Variants in DNAH11 observed in about 807,000 individuals in gnomAD.
DNAH11 encodes axonemal beta dynein heavy chain 11.
In DNAH11, 442 loss-of-function variants were observed where a neutral mutation model predicts 526.0. That is an observed-to-expected ratio of 0.84 (90% CI 0.78 to 0.91). The LOEUF is 0.91. Ranked by LOEUF, DNAH11 falls within the 40% of genes least tolerant of loss-of-function variation. The probability of loss-of-function intolerance (pLI) is 0.00; values close to 1 mark genes in which losing one functional copy is unlikely to be tolerated. For missense variants in DNAH11, 6,989 were observed against 5,448.7 expected, an observed-to-expected ratio of 1.28 and a Z score of -8.90; for synonymous variants, 2,461 against 1,935.9, an observed-to-expected ratio of 1.27 and a Z score of -7.12.
At position 21,579,089 on chromosome 7, in the gene DNAH11, T is replaced by A. The variant is rs150557276; in HGVS notation, c.1594-2816T>A. 2.2e-3 allele frequency among the ~76,000 whole-genome samples: 341 copies of A among 152,340 alleles called. 2 individuals carry two copies. Among genetic ancestry groups the A allele is most frequent in the African/African-American group, 7.9e-3 (327 of 41,578 alleles). ...CCAAACTGCTCCCTCTTCCCCATCT[T>A]GGCTTTCTTAGTTTGTTCTCCACAC... On this transcript the variant is annotated intron_variant, in intron 8 of 81. Coordinates refer to ENST00000409508, the MANE Select transcript of DNAH11 (RefSeq NM_001277115.2).
At position 21,656,649 on chromosome 7, in the gene DNAH11, G is replaced by A. The variant is rs74736202; in HGVS notation, c.5094+668G>A. On this transcript the variant is annotated intron_variant, in intron 29 of 81. Coordinates refer to ENST00000409508, the MANE Select transcript of DNAH11 (RefSeq NM_001277115.2). ...TGCATCTTTTTATGATGGAGCTTGC[G>A]TAGCTTGGGTTAATCCACAGAGTAA... Among the ~76,000 whole-genome samples the A allele has an allele frequency of 6.9e-3, 1,056 of 152,256 alleles. 43 individuals are homozygous for A. The East Asian group carries it at 0.14, about 20-fold the overall frequency.
At chr7:21,804,147 T>C (rs1054005589) in intron 62 of DNAH11, among the ~76,000 whole-genome samples, 4 of 152,040 alleles carry the variant, frequency 2.6e-5, no homozygotes, top group South Asian at 2.1e-4. Flanking sequence ...CTTGCTCTGT[T>C]GCCCAGGCTG....
intron 70 of DNAH11, among the ~76,000 whole-genome samples, chr7:21,866,192 G>A (rs557144185): frequency 1.3e-5 from 2 of 152,120 alleles, no homozygotes; most frequent in East Asian, 3.9e-4. Context: ...TCTGACAGAA[G>A]TACCCCCACC....
intron 63 of DNAH11, among the ~76,000 whole-genome samples, chr7:21,814,819 A>G (rs1036037978): frequency 6.6e-6 from 1 of 151,784 alleles, no homozygotes; most frequent in Non-Finnish European, 1.5e-5. Context: ...CTCACCCTAC[A>G]CTTAGGTTAA....
At chr7:21,593,520 C>T (rs1784764082) in intron 14 of DNAH11, among the ~76,000 whole-genome samples, 1 of 151,938 alleles carries the variant, frequency 6.6e-6, no homozygotes, top group South Asian at 2.1e-4. Flanking sequence ...TGTATGTTAA[C>T]TGCAGTAATC....
intron 54 of DNAH11, among the ~76,000 whole-genome samples, chr7:21,761,683 A>G (rs934647234): frequency 5.3e-5 from 8 of 152,312 alleles, no homozygotes; most frequent in Non-Finnish European, 1.0e-4. Flanking sequence ...TTTGACAACA[A>G]CTGGTCTCCA....
chr7:21,734,234 C>A (rs1388917969), intron 45 of DNAH11, among the ~76,000 whole-genome samples: 1 of 152,114 alleles, frequency 6.6e-6, no homozygotes, highest in Admixed American at 6.6e-5. Flanking sequence ...AATAACAACT[C>A]TCTTTATAGG....
intron 65 of DNAH11, among the ~76,000 whole-genome samples, chr7:21,835,882 A>AC (rs1414643956): frequency 6.6e-6 from 1 of 151,356 alleles, no homozygotes; most frequent in African/African-American, 2.4e-5. Context: ...AAAAAAAAAA[A>AC]CCGTTAGAAC....
chr7:21,805,241 T>G (rs551734582), intron 62 of DNAH11, among the ~76,000 whole-genome samples: 1 of 152,346 alleles, frequency 6.6e-6, no homozygotes, highest in East Asian at 1.9e-4. Context: ...TTGATAGCAT[T>G]TATTGCATGA....
Position 21,756,786 on chromosome 7 carries a change from G to C in DNAH11, c.8940+6422G>C, listed in dbSNP as rs550748310. On this transcript the variant is annotated intron_variant, in intron 54 of 81. Coordinates refer to ENST00000409508, the MANE Select transcript of DNAH11 (RefSeq NM_001277115.2). The stretch of plus-strand genomic sequence containing the variant: ...TTTGCTAAATTCTGCTAATCCTGTT[G>C]GGAATTATTAGAATCGCCTAAAATT... Among the ~76,000 whole-genome samples the C allele has an allele frequency of 3.7e-3, 561 of 152,164 alleles. 4 individuals are homozygous for C. Among genetic ancestry groups the C allele is most frequent in the African/African-American group, 0.013 (536 of 41,526 alleles).
chr7:21,883,471 T>C (rs1784008830), intron 75 of DNAH11, among the ~76,000 whole-genome samples: 1 of 152,248 alleles, frequency 6.6e-6, no homozygotes, highest in African/African-American at 2.4e-5. Context: ...AGTCATGCCG[T>C]AAGACAAGCC....
At chr7:21,822,805 G>A (rs1439431988) in intron 65 of DNAH11, among the ~76,000 whole-genome samples, 1 of 152,018 alleles carries the variant, frequency 6.6e-6, no homozygotes, top group Admixed American at 6.6e-5. Flanking sequence ...ATTCTAACTG[G>A]AATGAGACGG....
At position 21,564,275 on chromosome 7, in the gene DNAH11, C is replaced by T. The variant is rs749125298; in HGVS notation, c.1072C>T (p.Arg358Cys). The change falls in exon 6 of 82, where the codon CGC becomes TGC. Residue 358 changes from arginine to cysteine, a missense_variant. Physicochemically the swap from Arg to Cys is radical, Grantham distance 180 (BLOSUM62 -3). Transcript: ENST00000409508. ...CLQETEFPQT[R>C]ILIAPLFHTI... is the part of the protein sequence containing the mutation. ...CCAGGAGACGGAATTCCCACAGACA[C>T]GCATATTAATCGCTCCATTATTTCA... is the stretch of plus-strand genomic sequence containing the variant. The T allele has an allele frequency of 2.8e-5, 45 of 1,613,470 alleles. No individual in the cohort carries two copies. Among genetic ancestry groups the T allele is most frequent in the East Asian group, 1.6e-4 (7 of 44,876 alleles).
At chr7:21,811,132 A>G (rs543230375) in intron 63 of DNAH11, among the ~76,000 whole-genome samples, 33 of 152,334 alleles carry the variant, frequency 2.2e-4, no homozygotes, top group African/African-American at 7.9e-4. Flanking sequence ...ATGTGCTACA[A>G]CATGGATGAA....
intron 57 of DNAH11, among the ~76,000 whole-genome samples, 185 bp from the exon 58 acceptor site, chr7:21,784,242 A>T (rs971264925): frequency 2.6e-5 from 4 of 152,226 alleles, no homozygotes; most frequent in African/African-American, 9.6e-5. Flanking sequence ...TGTTTTTTAC[A>T]TGTACAAAAC....
chr7:21,787,496 A>G lies in DNAH11; in HGVS notation c.9837A>G (p.Pro3279=), dbSNP rs1415752593. Residue 3279 remains proline (P), a synonymous_variant, in exon 60 of 82, where the codon CCA becomes CCG. Transcript: ENST00000409508. The part of the protein sequence containing the change: ...KVVNEHYLKD[P]EFNPNLIRTK... ...TGAATGAACACTATTTGAAAGACCC[A>G]GAGTTTAATCCAAACCTGATTCGAA... 1 of 1,613,764 alleles carries G rather than the reference A, an allele frequency of 6.2e-7. No individual in the cohort carries two copies. Among genetic ancestry groups the G allele is most frequent in the African/African-American group, 1.3e-5 (1 of 74,942 alleles).
intron 1 of DNAH11, 72 bp downstream of exon 1, chr7:21,543,668 C>T (rs1295614880): frequency 2.0e-6 from 3 of 1,478,820 alleles, no homozygotes; most frequent in East Asian, 5.0e-5. Flanking sequence ...AGTCGCTCCC[C>T]TTTGGATTCC....
chr7:21,725,321 G>T lies in DNAH11; in HGVS notation c.7267-490G>T, dbSNP rs141477175. Among the ~76,000 whole-genome samples the T allele has an allele frequency of 2.5e-3, 388 of 152,212 alleles. 1 individual carries two copies. Among genetic ancestry groups the T allele is most frequent in the African/African-American group, 8.8e-3 (367 of 41,522 alleles). The stretch of plus-strand genomic sequence containing the variant: ...AGTTTCAGTAATGATGTGTAGGAAT[G>T]GTATAGAGTTGCCAGTTGTTTACTT... On this transcript the variant is annotated intron_variant, in intron 44 of 81. Transcript: ENST00000409508.
Position 21,543,376 on chromosome 7 carries a change from A to C in DNAH11, c.131A>C (p.Glu44Ala), listed in dbSNP as rs750407994. The change falls in exon 1 of 82, where the codon GAG becomes GCG. Residue 44 changes from glutamate to alanine, a missense_variant. By Grantham distance (107) the Glu-to-Ala change is moderately radical. Transcript: ENST00000409508. ...ELEEEEENEE[E>A]AAARRARSFA... ...GAGGAGGAGGAGGAGAACGAGGAGGAGGCGGCGGCCAGGAGAGCGCGGAGT... is the reference window on the plus strand; with the variant it reads ...GAGGAGGAGGAGGAGAACGAGGAGGCGGCGGCGGCCAGGAGAGCGCGGAGT... The C allele has an allele frequency of 3.3e-5, 51 of 1,551,648 alleles. No individual in the cohort carries two copies. The highest frequency in any genetic ancestry group is 5.5e-5 in the African/African-American group (4 of 73,046).
Sources: gnomAD v4.1 joint callset for allele counts (sites outside exome capture counted in the v4.1 genomes callset) on GRCh38, gnomAD v4.1.1 for gene constraint, MANE v1.5 for transcripts, NCBI Gene and HGNC (gene_info 2026-07-23, HGNC 2026-07-21) for gene names.